Variants in NR3C2 observed in about 807,000 individuals in gnomAD.
NR3C2 encodes the protein nuclear receptor subfamily 3 group C member 2, also known as mineralocorticoid receptor.
In NR3C2, 15 loss-of-function variants were observed where a neutral mutation model predicts 86.4. The observed-to-expected ratio is 0.17, with a 90% CI of 0.12 to 0.27. The LOEUF (loss-of-function observed/expected upper bound fraction) is 0.27. NR3C2 is among the 10% of genes least tolerant of loss of function. The pLI, the probability that NR3C2 is intolerant of heterozygous loss-of-function variation, is 1.00. For synonymous variants in NR3C2, 458 were observed against 450.5 expected (o/e 1.02, Z -0.21); for missense variants, 960 against 1,195.6 (o/e 0.80, Z 2.91).
At chr4:148,150,116 T>C (rs552567979) in intron 6 of NR3C2, among the ~76,000 whole-genome samples, 32 of 152,304 alleles carry the variant, frequency 2.1e-4, no homozygotes, top group African/African-American at 7.5e-4. Flanking sequence ...ACGTTATTCA[T>C]AATAGTCAAA....
rs1182655221 is a variant in NR3C2, at chr4:148,080,270, A to AAAAC, written c.*1070_*1073dup. 3 of 152,632 alleles carry AAAAC rather than the reference A, an allele frequency of 2.0e-5. No homozygotes were observed. The highest frequency in any genetic ancestry group is 3.8e-4 in the East Asian group (2 of 5,196). 9.5% of individuals were successfully genotyped at this position (152,632 alleles called of 1,614,324 possible). A position where few individuals can be genotyped will look rare whatever the true frequency, so the allele number is the denominator to read the frequency against. Reference sequence around the variant, plus strand: ...ATGCCCCAAGCGGGAGACCAAGAACAAAACAAAAAGTACAGAAAAAGTAGA... The same window carrying AAAAC: ...ATGCCCCAAGCGGGAGACCAAGAACAAAACAAACAAAAAGTACAGAAAAAGTAGA... On this transcript the variant is annotated 3_prime_UTR_variant, in exon 9 of 9. Coordinates refer to ENST00000358102, the MANE Select transcript of NR3C2 (RefSeq NM_000901.5).
At chr4:148,382,835 G>A (rs1747068184) in intron 2 of NR3C2, among the ~76,000 whole-genome samples, 1 of 152,078 alleles carries the variant, frequency 6.6e-6, no homozygotes, top group Non-Finnish European at 1.5e-5. Flanking sequence ...AATATTAAAA[G>A]GAAGAAACAG....
rs575107787 is a variant in NR3C2, at chr4:148,242,392, C to G, written c.1897+17586G>C. On this transcript the variant is annotated intron_variant, in intron 3 of 8. Coordinates refer to ENST00000358102, the MANE Select transcript of NR3C2 (RefSeq NM_000901.5). Reference sequence around the variant, plus strand: ...CAACATTTCTTAAAATAATTTGACTCAGAATCTTAATCTAGAATCCTATTA... The same window carrying G: ...CAACATTTCTTAAAATAATTTGACTGAGAATCTTAATCTAGAATCCTATTA... 1.9e-4 allele frequency among the ~76,000 whole-genome samples: 29 copies of G among 152,250 alleles called. No individual in the cohort carries two copies. In the South Asian group the frequency reaches 6.0e-3, roughly 32 times the overall value.
At chr4:148,094,356 A>C (rs1731186591) in intron 8 of NR3C2, among the ~76,000 whole-genome samples, 1 of 152,244 alleles carries the variant, frequency 6.6e-6, no homozygotes, top group African/African-American at 2.4e-5. Context: ...CATATGACAC[A>C]CCATTCCACT....
chr4:148,138,667 A>T (rs1733465284), intron 6 of NR3C2, among the ~76,000 whole-genome samples: 1 of 152,236 alleles, frequency 6.6e-6, no homozygotes, highest in Non-Finnish European at 1.5e-5. Context: ...TACAGGTGTG[A>T]ACCAAGATGC....
At chr4:148,091,714 C>A (rs529367396) in intron 8 of NR3C2, among the ~76,000 whole-genome samples, 1 of 152,318 alleles carries the variant, frequency 6.6e-6, no homozygotes, top group East Asian at 1.9e-4. Flanking sequence ...AGACTTGGCC[C>A]TTGCCTGAGC....
At chr4:148,105,898 A>C (rs547231690) in intron 8 of NR3C2, among the ~76,000 whole-genome samples, 4 of 152,232 alleles carry the variant, frequency 2.6e-5, no homozygotes, top group Non-Finnish European at 5.9e-5. Flanking sequence ...AGAACTATTT[A>C]TGACAAACCC....
intron 2 of NR3C2, among the ~76,000 whole-genome samples, chr4:148,402,181 C>G (rs1748202628): frequency 1.3e-5 from 2 of 152,122 alleles, no homozygotes; most frequent in Admixed American, 6.5e-5. Context: ...GCCTCACGGA[C>G]AGTAGACAGA....
At chr4:148,353,751 T>C (rs1512334) in intron 2 of NR3C2, among the ~76,000 whole-genome samples, 136,225 of 152,186 alleles carry the variant, frequency 0.9, 61,533 homozygotes, top group East Asian at 1. Context: ...ACTCTCTGTA[T>C]GTGAGTCATA....
chr4:148,285,984 T>A (rs1178808047), intron 2 of NR3C2, among the ~76,000 whole-genome samples: 1 of 152,242 alleles, frequency 6.6e-6, no homozygotes, highest in Admixed American at 6.5e-5. Flanking sequence ...TTGCAATATG[T>A]GTTTAAAAAG....
chr4:148,425,167 C>A (rs1749466835), intron 2 of NR3C2, among the ~76,000 whole-genome samples: 1 of 152,036 alleles, frequency 6.6e-6, no homozygotes, highest in South Asian at 2.1e-4. Context: ...CAGATATATA[C>A]CCACCCCCTC....
At chr4:148,370,732 A>G (rs548608936) in intron 2 of NR3C2, among the ~76,000 whole-genome samples, 1 of 152,210 alleles carries the variant, frequency 6.6e-6, no homozygotes, top group Non-Finnish European at 1.5e-5. Context: ...ACTATAAAAT[A>G]AAGAGGGATC....
chr4:148,178,146 T>C (rs1735464520), intron 4 of NR3C2, among the ~76,000 whole-genome samples: 1 of 152,032 alleles, frequency 6.6e-6, no homozygotes, highest in East Asian at 1.9e-4. Flanking sequence ...GACACCAGTC[T>C]GGCAAACATG....
intron 2 of NR3C2, among the ~76,000 whole-genome samples, chr4:148,302,509 T>C (rs111444012): frequency 0.014 from 2,146 of 152,310 alleles, 54 homozygotes; most frequent in African/African-American, 0.049. Flanking sequence ...CATAGTTGTT[T>C]GCTTAAGTGA....
chr4:148,278,570 T>TGC (rs1159323700), intron 2 of NR3C2, among the ~76,000 whole-genome samples: 1 of 151,982 alleles, frequency 6.6e-6, no homozygotes, highest in Non-Finnish European at 1.5e-5. Flanking sequence ...TACACGTGCG[T>TGC]GCGCGCGCAC....
chr4:148,286,386 T>C (rs1167961919), intron 2 of NR3C2, among the ~76,000 whole-genome samples: 1 of 152,190 alleles, frequency 6.6e-6, no homozygotes, highest in Non-Finnish European at 1.5e-5. Flanking sequence ...AAAAATCTGA[T>C]TAAATGGATC....
chr4:148,336,958 A>AT (rs1292585230), intron 2 of NR3C2, among the ~76,000 whole-genome samples: 3 of 151,566 alleles, frequency 2.0e-5, no homozygotes, highest in South Asian at 2.1e-4. Flanking sequence ...TGCCTGACTA[A>AT]TTTTTTTTAC....
At chr4:148,235,907 C>T (rs1738728229) in intron 3 of NR3C2, among the ~76,000 whole-genome samples, 2 of 152,184 alleles carry the variant, frequency 1.3e-5, no homozygotes, top group Non-Finnish European at 2.9e-5. Context: ...ACCTTTCTTC[C>T]TCCATCTTTA....
At chr4:148,235,262 T>TTTTATATATATATA (rs1553999667) in intron 3 of NR3C2, among the ~76,000 whole-genome samples, 1 of 143,720 alleles carries the variant, frequency 7.0e-6, no homozygotes, top group Non-Finnish European at 1.5e-5. Context: ...TAAGTGGCAA[T>TTTTATATATATATA]TATATATATA....
Sources: allele counts gnomAD v4.1 joint callset (sites outside exome capture counted in the v4.1 genomes callset), GRCh38; gene constraint gnomAD v4.1.1; transcripts MANE v1.5; gene names NCBI Gene and HGNC (gene_info 2026-07-23, HGNC 2026-07-21).